PPP1R1C: variants seen among roughly 807,000 people sequenced by gnomAD.
The protein encoded by PPP1R1C is protein phosphatase 1 regulatory inhibitor subunit 1C.
A neutral mutation model predicts 17.4 loss-of-function variants in PPP1R1C; 15 were observed. The observed-to-expected ratio is 0.86, with a 90% CI of 0.58 to 1.33. The LOEUF (loss-of-function observed/expected upper bound fraction) is 1.33. Ranked by LOEUF, PPP1R1C falls within the 40% of genes most tolerant of loss-of-function variation. PPP1R1C has a pLI of 0.00. For synonymous variants in PPP1R1C, 35 were observed against 43.1 expected (o/e 0.81, Z 0.73); for missense variants, 143 against 130.0 (o/e 1.10, Z -0.48).
chr2:182,122,363 TA>T (rs1689754452), downstream of PPP1R1C, among the ~76,000 whole-genome samples: 1 of 152,216 alleles, frequency 6.6e-6, no homozygotes, highest in East Asian at 1.9e-4. Flanking sequence ...AATATGATTA[TA>T]ATGTGTATTA....
At chr2:182,075,513 A>G (rs1688272534) in intron 4 of PPP1R1C, among the ~76,000 whole-genome samples, 1 of 152,224 alleles carries the variant, frequency 6.6e-6, no homozygotes, top group Non-Finnish European at 1.5e-5. Context: ...AGTAGAAGTA[A>G]GGCACAAGAT....
At chr2:182,044,497 C>G (rs956896639) in intron 2 of PPP1R1C, among the ~76,000 whole-genome samples, 1 of 152,152 alleles carries the variant, frequency 6.6e-6, no homozygotes, top group Non-Finnish European at 1.5e-5. Context: ...CAGTCTTACC[C>G]CACCCAACTT....
chr2:182,025,959 GTGA>G (rs1300518468), intron 2 of PPP1R1C, among the ~76,000 whole-genome samples: 2 of 144,884 alleles, frequency 1.4e-5, no homozygotes, highest in Non-Finnish European at 3.0e-5. Context: ...CTGCTGGCCA[GTGA>G]TGATGAGCAT....
At chr2:182,021,408 A>T (rs1196897636) in intron 2 of PPP1R1C, among the ~76,000 whole-genome samples, 6 of 138,132 alleles carry the variant, frequency 4.3e-5, no homozygotes, top group African/African-American at 1.6e-4. Flanking sequence ...TCTCACTGCA[A>T]CCTCCGCCCC....
intron 2 of PPP1R1C, among the ~76,000 whole-genome samples, chr2:182,038,447 A>G (rs1687078831): frequency 1.3e-5 from 2 of 151,986 alleles, no homozygotes; most frequent in Admixed American, 1.3e-4. Context: ...TTGCATCCTT[A>G]TATTTGTTTG....
At chr2:182,060,197 C>G (rs1399240429) in intron 2 of PPP1R1C, among the ~76,000 whole-genome samples, 1 of 151,998 alleles carries the variant, frequency 6.6e-6, no homozygotes, top group Non-Finnish European at 1.5e-5. Context: ...GTTTCCATAA[C>G]TTTTTAACAT....
chr2:182,105,078 T>C (rs1574456050), intron 4 of PPP1R1C, among the ~76,000 whole-genome samples: 1 of 151,554 alleles, frequency 6.6e-6, no homozygotes, highest in African/African-American at 2.4e-5. Flanking sequence ...AAATGAGGGG[T>C]GGAAAAAAAA....
chr2:182,043,207 G>A (rs1310590488), intron 2 of PPP1R1C, among the ~76,000 whole-genome samples: 1 of 152,114 alleles, frequency 6.6e-6, no homozygotes, highest in Non-Finnish European at 1.5e-5. Flanking sequence ...ATTCATGTGT[G>A]TGGAAGTAAA....
At chr2:182,091,742 A>G (rs959684190) in intron 4 of PPP1R1C, among the ~76,000 whole-genome samples, 5 of 152,100 alleles carry the variant, frequency 3.3e-5, no homozygotes, top group Admixed American at 6.5e-5. Context: ...TTTTCTCTGT[A>G]GCACTGATTA....
chr2:182,069,060 C>T lies in PPP1R1C; in HGVS notation c.241+5269C>T, dbSNP rs562286887. On this transcript the variant is annotated intron_variant, in intron 4 of 4. Transcript: ENST00000682840. ...CTCTTAGCCTCTCATCAGGCCATCTCCACCACACTACATTCCTTTTATAAA... is the reference window on the plus strand; with the variant it reads ...CTCTTAGCCTCTCATCAGGCCATCTTCACCACACTACATTCCTTTTATAAA... Among the ~76,000 whole-genome samples, 7 of 152,328 alleles carry T rather than the reference C, an allele frequency of 4.6e-5. No individual in the cohort carries two copies. In the South Asian group the frequency reaches 1.4e-3, roughly 32 times the overall value.
At chr2:182,074,566 T>G (rs1688238165) in intron 4 of PPP1R1C, among the ~76,000 whole-genome samples, 2 of 152,194 alleles carry the variant, frequency 1.3e-5, no homozygotes, top group Non-Finnish European at 2.9e-5. Context: ...AATATAAAAA[T>G]GTCAAGATAA....
In PPP1R1C at chr2:182,097,587, G is replaced by A. The variant is rs1559092001; in HGVS notation, c.242-19620G>A. On this transcript the variant is annotated intron_variant, in intron 4 of 4. Transcript: ENST00000682840. ...CCTTTAGTCTTTCCATGAAACTGGT[G>A]AGATTTAAAGAAATTGTTTCTGGCA... is the stretch of plus-strand genomic sequence containing the variant. Among the ~76,000 whole-genome samples, 3 of 152,136 alleles carry A rather than the reference G, an allele frequency of 2.0e-5. No individual in the cohort carries two copies. The East Asian group carries it at 5.8e-4, about 29-fold the overall frequency.
chr2:182,061,543 T>A (rs1687851250), intron 3 of PPP1R1C, 64 bp downstream of exon 3: 3 of 900,684 alleles, frequency 3.3e-6, no homozygotes, highest in Non-Finnish European at 4.8e-6. Context: ...AAAATTTGCT[T>A]GATTTGATGT....
chr2:182,110,525 A>AGTCTGTGGTAGCCTGTGGTAACC (rs1221253315), intron 4 of PPP1R1C, among the ~76,000 whole-genome samples: 1 of 152,144 alleles, frequency 6.6e-6, no homozygotes, highest in Admixed American at 6.6e-5. Context: ...CACTGGCAAC[A>AGTCTGTGGTAGCCTGTGGTAACC]GTCTGTGGTA....
At chr2:182,116,220 G>A (rs1298039019) in intron 4 of PPP1R1C, among the ~76,000 whole-genome samples, 1 of 152,164 alleles carries the variant, frequency 6.6e-6, no homozygotes, top group Admixed American at 6.6e-5. Context: ...AAATATTAAT[G>A]AGTACCTACT....
At chr2:182,105,721 C>T (rs1366100796) in intron 4 of PPP1R1C, among the ~76,000 whole-genome samples, 1 of 152,254 alleles carries the variant, frequency 6.6e-6, no homozygotes, top group East Asian at 1.9e-4. Flanking sequence ...TTCCAAGAAG[C>T]TGAATGTTTC....
intron 2 of PPP1R1C, among the ~76,000 whole-genome samples, chr2:181,995,548 C>T (rs996434653): frequency 2.6e-5 from 4 of 152,206 alleles, no homozygotes; most frequent in African/African-American, 9.7e-5. Flanking sequence ...TAGTAATAGA[C>T]ACAGATGACA....
intron 2 of PPP1R1C, among the ~76,000 whole-genome samples, chr2:182,025,174 AATTATTATTATT>A (rs533389640): frequency 6.8e-6 from 1 of 147,566 alleles, no homozygotes; most frequent in Non-Finnish European, 1.5e-5. Context: ...AAGTAAATAA[AATTATTATTATT>A]ATTATTATTA....
chr2:182,116,630 G>A (rs16822622), intron 4 of PPP1R1C, among the ~76,000 whole-genome samples: 4,230 of 152,270 alleles, frequency 0.028, 185 homozygotes, highest in African/African-American at 0.097. Flanking sequence ...CAGATTATAA[G>A]AGCCTTGTAT....
Sources: gnomAD v4.1 joint callset for allele counts (sites outside exome capture counted in the v4.1 genomes callset) on GRCh38, gnomAD v4.1.1 for gene constraint, MANE v1.5 for transcripts, NCBI Gene and HGNC (gene_info 2026-07-23, HGNC 2026-07-21) for gene names.